Variants in STK3 observed in about 807,000 individuals in gnomAD.
STK3 encodes the protein serine/threonine-protein kinase 3.
STK3 carries 41 observed loss-of-function variants against 58.0 expected under a neutral mutation model. The ratio of observed to expected loss-of-function variants is 0.71; its 90% CI spans 0.55 to 0.92. STK3 has a LOEUF of 0.92. Ranked by LOEUF, STK3 falls within the 40% of genes least tolerant of loss-of-function variation. STK3 has a pLI of 0.00. For missense variants in STK3, 479 were observed against 602.7 expected (o/e 0.79, Z 2.15); for synonymous variants, 170 against 191.0 (o/e 0.89, Z 0.91).
intron 9 of STK3, among the ~76,000 whole-genome samples, chr8:98,540,388 G>A (rs2131550044): frequency 6.6e-6 from 1 of 152,276 alleles, no homozygotes; most frequent in Middle Eastern, 3.4e-3. Context: ...TACTTGTGAG[G>A]CTGGTTATTT....
intron 3 of STK3, among the ~76,000 whole-genome samples, chr8:98,870,478 A>T (rs1837329612): frequency 2.0e-5 from 3 of 152,126 alleles, no homozygotes; most frequent in African/African-American, 7.2e-5. Flanking sequence ...AAGTGTTCCT[A>T]TTTCTCCACA....
chr8:98,826,158 T>C (rs1355816258), upstream of STK3, among the ~76,000 whole-genome samples: 6 of 152,202 alleles, frequency 3.9e-5, no homozygotes, highest in African/African-American at 9.6e-5. Flanking sequence ...CTGCCCTCAC[T>C]ACGGTTTGCC....
intron 6 of STK3, among the ~76,000 whole-genome samples, chr8:98,650,840 C>T (rs1052061351): frequency 6.6e-6 from 1 of 152,234 alleles, no homozygotes; most frequent in Middle Eastern, 3.2e-3. Context: ...AGCCAGGAAG[C>T]TCCAACTGGG....
At chr8:98,835,156 A>G (rs1323100481) in intron 3 of STK3, among the ~76,000 whole-genome samples, 4 of 152,186 alleles carry the variant, frequency 2.6e-5, no homozygotes, top group Admixed American at 6.5e-5. Flanking sequence ...TAAGAGAGTC[A>G]TTTTGCATAC....
chr8:98,877,735 G>A lies in STK3; in HGVS notation c.110+5912C>T, dbSNP rs547218228. On this transcript the variant is annotated intron_variant, in intron 3 of 12. Coordinates refer to the STK3 transcript ENST00000523601. ...CGACCTCAGGTGATCTGCCCACCTC[G>A]GCCTCCCAAAGTGTTGGGATTACAG... 6.6e-5 allele frequency among the ~76,000 whole-genome samples: 10 copies of A among 151,864 alleles called. No individual in the cohort carries two copies. The South Asian group carries it at 1.0e-3, about 16-fold the overall frequency.
intron 1 of STK3, among the ~76,000 whole-genome samples, chr8:98,911,687 A>C (rs1163519460): frequency 6.6e-6 from 1 of 151,954 alleles, no homozygotes; most frequent in African/African-American, 2.4e-5. Flanking sequence ...CACCATGTCC[A>C]CCCCAGAAAA....
intron 1 of STK3, among the ~76,000 whole-genome samples, chr8:98,807,715 G>A (rs1833975351): frequency 1.3e-5 from 2 of 152,162 alleles, no homozygotes; most frequent in South Asian, 2.1e-4. Context: ...AATAAATAAA[G>A]GAGGAAAAGA....
chr8:98,909,315 T>C lies in STK3; in HGVS notation c.-78-25481A>G, dbSNP rs765783007. 9.2e-5 allele frequency among the ~76,000 whole-genome samples: 14 copies of C among 152,194 alleles called. 1 individual carries two copies. Among genetic ancestry groups the C allele is most frequent in the Non-Finnish European group, 1.6e-4 (11 of 68,036 alleles). ...GATAGTTGACCTTTTTTTCAGTAGA[T>C]AATCATATTTTATCGACAGATGTTG... is the stretch of plus-strand genomic sequence containing the variant. On this transcript the variant is annotated intron_variant, in intron 1 of 1. Transcript: ENST00000519420.
chr8:98,633,406 C>A, intron 6 of STK3: 1 of 464,590 alleles, frequency 2.2e-6, no homozygotes. Context: ...AATCTAGCAG[C>A]ATCATGAAGT....
chr8:98,885,611 T>C (rs1837959621), intron 1 of STK3, among the ~76,000 whole-genome samples: 2 of 152,246 alleles, frequency 1.3e-5, no homozygotes, highest in Middle Eastern at 3.4e-3. Flanking sequence ...GCTAATTTTT[T>C]GTATTTTTAG....
intron 6 of STK3, among the ~76,000 whole-genome samples, chr8:98,617,154 A>G (rs1270234214): frequency 6.6e-6 from 1 of 151,976 alleles, no homozygotes; most frequent in Non-Finnish European, 1.5e-5. Flanking sequence ...CAAGATTAAG[A>G]ATCTCACTCA....
At chr8:98,696,184 T>C (rs948142799) in intron 6 of STK3, among the ~76,000 whole-genome samples, 1 of 152,236 alleles carries the variant, frequency 6.6e-6, no homozygotes, top group African/African-American at 2.4e-5. Context: ...TAAGAATGCT[T>C]GTGATTTTTG....
At chr8:98,777,467 G>A (rs930050943) in intron 1 of STK3, among the ~76,000 whole-genome samples, 2 of 152,122 alleles carry the variant, frequency 1.3e-5, no homozygotes, top group Non-Finnish European at 2.9e-5. Flanking sequence ...CCGAGATCAC[G>A]CCACTGCACT....
chr8:98,840,983 A>T (rs750230541), intron 3 of STK3, among the ~76,000 whole-genome samples: 8 of 152,150 alleles, frequency 5.3e-5, no homozygotes, highest in Non-Finnish European at 8.8e-5. Context: ...TGAACTCAAG[A>T]CTTCTGTTCC....
At chr8:98,597,374 T>C in intron 6 of STK3, 1 of 984,882 alleles carries the variant, frequency 1.0e-6, no homozygotes, top group Non-Finnish European at 1.2e-6. Flanking sequence ...AAAACGTAAA[T>C]TCTTTAATAG....
At chr8:98,789,317 C>T (rs1251546567) in intron 1 of STK3, among the ~76,000 whole-genome samples, 1 of 151,888 alleles carries the variant, frequency 6.6e-6, no homozygotes. Context: ...TCTGAAAGAG[C>T]ACAGACAATC....
At chr8:98,857,919 G>A (rs1836739292) in intron 3 of STK3, among the ~76,000 whole-genome samples, 1 of 151,678 alleles carries the variant, frequency 6.6e-6, no homozygotes, top group African/African-American at 2.4e-5. Context: ...CAAAACTGGA[G>A]AAAGGAGAAA....
chr8:98,373,102 C>G (rs577231361), intron 2 of STK3, among the ~76,000 whole-genome samples: 4 of 152,212 alleles, frequency 2.6e-5, no homozygotes, highest in African/African-American at 7.2e-5. Flanking sequence ...TTGGGTCTGC[C>G]CAGCCTATAT....
the STK3 span, among the ~76,000 whole-genome samples, chr8:98,359,109 A>AC: frequency 6.6e-6 from 1 of 152,108 alleles, no homozygotes; most frequent in Admixed American, 6.6e-5. Flanking sequence ...AGGGGCAAGA[A>AC]CTGGGCACCA....
Sources: allele counts gnomAD v4.1 joint callset (sites outside exome capture counted in the v4.1 genomes callset), GRCh38; gene constraint gnomAD v4.1.1; transcripts MANE v1.5; gene names NCBI Gene and HGNC (gene_info 2026-07-23, HGNC 2026-07-21).